The following CTU2 variants were observed in gnomAD, a reference collection of about 807,000 sequenced individuals.
CTU2 encodes the protein cytosolic thiouridylase subunit 2.
Under a neutral mutation model 64.1 loss-of-function variants are expected in CTU2, and 80 were observed. The ratio of observed to expected loss-of-function variants is 1.25; its 90% CI spans 1.04 to 1.50. CTU2 has a LOEUF of 1.50. Among genes scored for constraint, CTU2 ranks in the 40% most tolerant of loss-of-function variants. The pLI, the probability that CTU2 is intolerant of heterozygous loss-of-function variation, is 0.00. For synonymous variants in CTU2, 482 were observed against 285.3 expected, an observed-to-expected ratio of 1.69 and a Z score of -6.95; for missense variants, 1,110 against 690.2, an observed-to-expected ratio of 1.61 and a Z score of -6.81.
rs1201239185 is a variant in CTU2 at position 88,707,220 on chromosome 16, G to A, written c.143+10G>A. 4 of 1,613,382 alleles carry A rather than the reference G, an allele frequency of 2.5e-6. No individual in the cohort carries two copies. The East Asian group carries it at 6.7e-5, about 27-fold the overall frequency. The stretch of plus-strand genomic sequence containing the variant: ...GAGATGCCTTCTGCAGGTGAGGCCT[G>A]GAGGTGGCTGAGACCCTGGCAAACA... On this transcript the variant is annotated intron_variant, in intron 2 of 14. Transcript: ENST00000453996.
chr16:88,706,769 C>G (rs1158867763), intron 1 of CTU2, 171 bp downstream of exon 1: 3 of 532,630 alleles, frequency 5.6e-6, no homozygotes, highest in African/African-American at 2.0e-5. Flanking sequence ...TAGAAGGGGA[C>G]TTACTCCACT....
chr16:88,709,400 A>C (rs564988880), intron 2 of CTU2: 65 of 153,984 alleles, frequency 4.2e-4, no homozygotes, highest in South Asian at 8.0e-4. Flanking sequence ...CAGCACACTA[A>C]AGATGCCAGC....
intron 2 of CTU2, chr16:88,709,678 T>C (rs774928306): frequency 2.4e-5 from 12 of 503,792 alleles, no homozygotes; most frequent in African/African-American, 2.1e-4. Context: ...CTGCCCTCGT[T>C]TGCTGGATGC....
Position 88,715,381 on chromosome 16 carries a change from A to G in CTU2, c.*130A>G, listed in dbSNP as rs1911908768. The G allele has an allele frequency of 8.7e-7, 1 of 1,148,610 alleles. No homozygotes were observed. The highest frequency in any genetic ancestry group is 2.7e-5 in the Admixed American group (1 of 37,044). The allele number at this position is 1,148,610 out of a possible 1,614,324, so 71.2% of individuals were successfully genotyped here. On this transcript the variant is annotated 3_prime_UTR_variant, in exon 15 of 15. Transcript: ENST00000453996. ...TAAATAAAACATTTTTTAATTAAAA[A>G]AAAAACTCTACAGTACACGTGGGGG...
rs777217804 is a variant in CTU2, at chr16:88,712,883, G to A, written c.715G>A (p.Glu239Lys). 2.0e-6 allele frequency: 3 copies of A among 1,533,032 alleles called. No individual in the cohort carries two copies. The highest frequency in any genetic ancestry group is 2.0e-5 in the Admixed American group (1 of 49,724). 95.0% of individuals were successfully genotyped at this position (1,533,032 alleles called of 1,614,324 possible). Residue 239 changes from glutamate (E) to lysine (K), a missense_variant, in exon 7 of 15, where the codon GAG becomes AAG. Physicochemically the swap from Glu to Lys is moderately conservative, Grantham distance 56. Coordinates refer to ENST00000453996, the MANE Select transcript of CTU2 (RefSeq NM_001012759.3). ...FCSVRTLTAK[E>K]ELLQTLRTHL... ...CTCAGTGAGGACACTGACTGCCAAGGAGGAGCTTCTGCAGACCCTGCGGTG... is the reference window on the plus strand; with the variant it reads ...CTCAGTGAGGACACTGACTGCCAAGAAGGAGCTTCTGCAGACCCTGCGGTG...
chr16:88,713,689 C>G lies in CTU2; in HGVS notation c.916C>G (p.Pro306Ala). The change falls in exon 9 of 15, where the codon CCC becomes GCC. Residue 306 changes from proline (P) to alanine (A), a missense_variant. By Grantham distance (27) the Pro-to-Ala change is conservative. Transcript: ENST00000453996. ...GCACGGGGACGTGGTGGTGGTGCGG[C>G]CCATGCGGGACCACACCCTGAAGGA... ...ERHGDVVVVRPMRDHTLKEVA... is the reference protein window; with the variant it reads ...ERHGDVVVVRAMRDHTLKEVA... 1 of 1,612,640 alleles carries G rather than the reference C, an allele frequency of 6.2e-7. No homozygotes were observed. Among genetic ancestry groups the G allele is most frequent in the Non-Finnish European group, 8.5e-7 (1 of 1,179,878 alleles).
At chr16:88,709,606 T>C (rs1403570743) in intron 2 of CTU2, 3 of 350,258 alleles carry the variant, frequency 8.6e-6, no homozygotes, top group Non-Finnish European at 1.1e-5. Flanking sequence ...TGTACGTGCC[T>C]AAGTCTGTCC....
Position 88,712,270 on chromosome 16 carries a change from T to C in CTU2, c.344-4T>C, listed in dbSNP as rs762103564. The stretch of plus-strand genomic sequence containing the variant: ...CCCTGACTCTTTCTGCCTGGGTTTT[T>C]CAGAGGGAGCAGCCTGTGGCCAGAG... On this transcript the variant is annotated splice_region_variant and splice_polypyrimidine_tract_variant and intron_variant, in intron 5 of 14. Coordinates refer to ENST00000453996, the MANE Select transcript of CTU2 (RefSeq NM_001012759.3). 2.5e-6 allele frequency: 4 copies of C among 1,593,806 alleles called. No homozygotes were observed. In the South Asian group the frequency reaches 4.5e-5, roughly 18 times the overall value.
Position 88,715,376 on chromosome 16 carries a change from TAA to T in CTU2, c.*134_*135del. 9.2e-7 allele frequency: 1 copy of T among 1,087,734 alleles called. No homozygotes were observed. The highest frequency in any genetic ancestry group is 1.3e-6 in the Non-Finnish European group (1 of 789,718). 67.4% of individuals were successfully genotyped at this position (1,087,734 alleles called of 1,614,324 possible). On this transcript the variant is annotated 3_prime_UTR_variant, in exon 15 of 15. Transcript: ENST00000453996. The stretch of plus-strand genomic sequence containing the variant: ...TTGTATAAATAAAACATTTTTTAAT[TAA>T]AAAAAAAACTCTACAGTACACGTGG...
chr16:88,712,405 A>G, intron 6 of CTU2, 22 bp downstream of exon 6: 1 of 1,573,218 alleles, frequency 6.4e-7, no homozygotes, highest in Non-Finnish European at 8.6e-7. Context: ...GTCCCTGGAA[A>G]GGGGTCCCGG....
At chr16:88,714,250 G>T in intron 10 of CTU2, 23 bp downstream of exon 10, 2 of 1,601,972 alleles carry the variant, frequency 1.2e-6, no homozygotes, top group African/African-American at 1.4e-5. Context: ...GTGGGTGTGT[G>T]CGGGGGGTGC....
chr16:88,714,098 C>G (rs1331791222), intron 9 of CTU2, 38 bp from the exon 10 acceptor site: 1 of 1,599,010 alleles, frequency 6.3e-7, no homozygotes, highest in South Asian at 1.1e-5. Context: ...GGGCTGGCCT[C>G]TGGGCTTTCC....
chr16:88,710,362 G>C lies in CTU2; in HGVS notation c.282+80G>C, dbSNP rs1390520389. The C allele has an allele frequency of 1.5e-5, 23 of 1,489,842 alleles. No individual in the cohort carries two copies. In the South Asian group the frequency reaches 2.6e-4, roughly 17 times the overall value. 92.3% of individuals were successfully genotyped at this position (1,489,842 alleles called of 1,614,324 possible). ...GGCCTCCCTTCTCAGCCTGCTGAGG[G>C]GCTCTTGGTTGGGGCTAGAGAGCAG... On this transcript the variant is annotated intron_variant, in intron 4 of 14. Transcript: ENST00000453996.
In CTU2 at chr16:88,713,409, C is replaced by T. The variant is rs760443831; in HGVS notation, c.835C>T (p.Leu279=). The change falls in exon 8 of 15, where the codon CTG becomes TTG. Residue 279 remains leucine, a synonymous_variant. Transcript: ENST00000453996. ...TRLAIKLMTN[L]ALGRGAFLAW... ...CTTGGCTATCAAGCTCATGACCAAC[C>T]TGGCGCTGGGTCGAGGGGCCTTCCT... 1.9e-6 allele frequency: 3 copies of T among 1,601,528 alleles called. No homozygotes were observed. The highest frequency in any genetic ancestry group is 8.5e-7 in the Non-Finnish European group (1 of 1,176,198).
intron 3 of CTU2, 88 bp downstream of exon 3, chr16:88,710,104 C>A: frequency 6.4e-7 from 1 of 1,568,856 alleles, no homozygotes. Context: ...TGGCCTGCTG[C>A]AGCCCGCCAG....
chr16:88,708,356 C>G lies in CTU2; in HGVS notation c.143+1146C>G, dbSNP rs147998951. On this transcript the variant is annotated intron_variant, in intron 2 of 14. Transcript: ENST00000453996. ...CATTCAGGTCAGCACGTGGGAGAAACCTTGGCCTTCCCTGACCCACAGGGG... is the reference window on the plus strand; with the variant it reads ...CATTCAGGTCAGCACGTGGGAGAAAGCTTGGCCTTCCCTGACCCACAGGGG... 4.9e-3 allele frequency among the ~76,000 whole-genome samples: 746 copies of G among 152,278 alleles called. 22 individuals carry two copies. Among genetic ancestry groups the G allele is most frequent in the Admixed American group, 0.045 (689 of 15,296 alleles).
At position 88,712,706 on chromosome 16, in the gene CTU2, A is replaced by T; in HGVS notation, c.538A>T (p.Ser180Cys). The change falls in exon 7 of 15, where the codon AGC (serine) becomes TGC (cysteine). Residue 180 changes from serine to cysteine, a missense_variant. Coordinates refer to ENST00000453996, the MANE Select transcript of CTU2 (RefSeq NM_001012759.3). ...SEGAYKAAVD[S>C]FLQQQHVLGA... Reference sequence around the variant, plus strand: ...GGGGGCCTACAAGGCGGCCGTGGACAGCTTCCTCCAGCAGCAGCATGTGCT... The same window carrying T: ...GGGGGCCTACAAGGCGGCCGTGGACTGCTTCCTCCAGCAGCAGCATGTGCT... The T allele has an allele frequency of 1.2e-6, 2 of 1,610,072 alleles. No homozygotes were observed. The highest frequency in any genetic ancestry group is 8.5e-7 in the Non-Finnish European group (1 of 1,179,210).
Position 88,715,082 on chromosome 16 carries a change from C to T in CTU2, c.1454C>T (p.Ala485Val). 6.3e-7 allele frequency: 1 copy of T among 1,576,780 alleles called. No homozygotes were observed. Among genetic ancestry groups the T allele is most frequent in the South Asian group, 1.2e-5 (1 of 85,988 alleles). The stretch of plus-strand genomic sequence containing the variant: ...GACCCCCTGCCGCCGTACATCCTGG[C>T]TGAGGCCCAGCTCCGCACACAGAGG... ...SLDPLPPYILAEAQLRTQRAW... is the reference protein window; with the variant it reads ...SLDPLPPYILVEAQLRTQRAW... Residue 485 changes from alanine to valine, a missense_variant, in exon 14 of 15, where the codon GCT becomes GTT. Transcript: ENST00000453996.
rs1231853877 is a variant in CTU2, at chr16:88,712,282, G to A, written c.352G>A (p.Ala118Thr). The A allele has an allele frequency of 1.2e-6, 2 of 1,601,832 alleles. No individual in the cohort carries two copies. Among genetic ancestry groups the A allele is most frequent in the Non-Finnish European group, 1.7e-6 (2 of 1,174,152 alleles). ...AGVIFVDEGA[A>T]CGQSLEERSK... is the part of the protein sequence containing the mutation. ...CTGCCTGGGTTTTTCAGAGGGAGCA[G>A]CCTGTGGCCAGAGCCTAGAGGAGAG... Residue 118 changes from alanine to threonine, a missense_variant, in exon 6 of 15, where the codon GCC becomes ACC. Transcript: ENST00000453996.
Sources: allele counts gnomAD v4.1 joint callset (sites outside exome capture counted in the v4.1 genomes callset), GRCh38; gene constraint gnomAD v4.1.1; transcripts MANE v1.5; gene names NCBI Gene and HGNC (gene_info 2026-07-23, HGNC 2026-07-21).